The following CRACD variants were observed in gnomAD, a reference collection of about 807,000 sequenced individuals.
CRACD encodes capping protein inhibiting regulator of actin dynamics, also known as capping protein-inhibiting regulator of actin dynamics.
A neutral mutation model predicts 106.8 loss-of-function variants in CRACD; 56 were observed. The observed-to-expected ratio is 0.52, with a 90% CI of 0.42 to 0.66. CRACD has a LOEUF of 0.66. CRACD is among the 30% of genes least tolerant of loss of function. The probability of loss-of-function intolerance (pLI) is 0.00; values close to 1 mark genes in which losing one functional copy is unlikely to be tolerated. For missense variants in CRACD, 1,730 were observed against 1,623.2 expected, an observed-to-expected ratio of 1.07 and a Z score of -1.13; for synonymous variants, 754 against 670.8, an observed-to-expected ratio of 1.12 and a Z score of -1.92.
rs1560539824 is a variant in CRACD at position 56,316,582 on chromosome 4, A to C, written c.3080A>C (p.Gln1027Pro). 1.2e-6 allele frequency: 2 copies of C among 1,613,508 alleles called. No homozygotes were observed. The highest frequency in any genetic ancestry group is 1.7e-6 in the Non-Finnish European group (2 of 1,179,744). ...SPPGPEERKG[Q>P]KRDEEEEATE... is the part of the protein sequence containing the mutation. ...CCAGGCCCCGAGGAAAGGAAGGGACAGAAGAGGGACGAGGAGGAAGAGGCG... is the reference window on the plus strand; with the variant it reads ...CCAGGCCCCGAGGAAAGGAAGGGACCGAAGAGGGACGAGGAGGAAGAGGCG... Residue 1027 changes from glutamine to proline, a missense_variant, in exon 8 of 11, where the codon CAG becomes CCG. By Grantham distance (76) the Gln-to-Pro change is moderately conservative (BLOSUM62 -1). Coordinates refer to ENST00000682029, the MANE Select transcript of CRACD (RefSeq NM_001393381.1).
intron 1 of CRACD, among the ~76,000 whole-genome samples, chr4:56,056,599 A>AG (rs1732074467): frequency 9.8e-6 from 1 of 101,850 alleles, no homozygotes; most frequent in South Asian, 3.0e-4. Context: ...AAAAAAAACC[A>AG]AAAAAAAAAC....
chr4:56,254,513 T>C (rs563664245), intron 2 of CRACD, among the ~76,000 whole-genome samples: 2 of 152,210 alleles, frequency 1.3e-5, no homozygotes, highest in South Asian at 4.2e-4. Flanking sequence ...ACTAAGGTTT[T>C]CATTCTGCTA....
At chr4:56,059,765 C>T (rs1001989688) in intron 1 of CRACD, among the ~76,000 whole-genome samples, 1 of 152,136 alleles carries the variant, frequency 6.6e-6, no homozygotes, top group Non-Finnish European at 1.5e-5. Flanking sequence ...CTTACTGCAA[C>T]CTCCACCTCC....
intron 3 of CRACD, among the ~76,000 whole-genome samples, chr4:56,282,338 A>C (rs1199407820): frequency 6.6e-6 from 1 of 152,228 alleles, no homozygotes; most frequent in Non-Finnish European, 1.5e-5. Context: ...TGAGGCATGC[A>C]TTCACTGTGC....
At chr4:56,164,454 G>T (rs891196676) in intron 1 of CRACD, among the ~76,000 whole-genome samples, 1 of 152,112 alleles carries the variant, frequency 6.6e-6, no homozygotes, top group Admixed American at 6.6e-5. Flanking sequence ...TTTTTTAATT[G>T]CTCAAAAAAC....
intron 3 of CRACD, among the ~76,000 whole-genome samples, chr4:56,280,324 A>G (rs930487924): frequency 6.6e-6 from 1 of 151,582 alleles, no homozygotes; most frequent in Non-Finnish European, 1.5e-5. Flanking sequence ...AAGAAATGTG[A>G]CTACACTCCA....
intron 1 of CRACD, among the ~76,000 whole-genome samples, chr4:56,123,810 G>A (rs1270163567): frequency 6.6e-6 from 1 of 152,168 alleles, no homozygotes; most frequent in East Asian, 1.9e-4. Flanking sequence ...AGAGATGCTG[G>A]AACCTAGACT....
At position 56,300,011 on chromosome 4, in the gene CRACD, G is replaced by T. The variant is rs182470289; in HGVS notation, c.120+1662G>T. Among the ~76,000 whole-genome samples, 391 of 151,992 alleles carry T rather than the reference G, an allele frequency of 2.6e-3. 3 individuals are homozygous for T. The highest frequency in any genetic ancestry group is 0.013 in the South Asian group (62 of 4,820). On this transcript the variant is annotated intron_variant, in intron 4 of 10. Coordinates refer to ENST00000682029, the MANE Select transcript of CRACD (RefSeq NM_001393381.1). ...AAATTAGCTGGGCGTGGTGGCAGGCGCCTGTAGTCCCAGCTACTCAGGAGG... is the reference window on the plus strand; with the variant it reads ...AAATTAGCTGGGCGTGGTGGCAGGCTCCTGTAGTCCCAGCTACTCAGGAGG...
rs552456181 is a variant in CRACD, at chr4:56,298,932, C to CCAA, written c.120+602_120+604dup. ...TGGGTGACAGAGCAAGGCTCTCTCC[C>CCAA]CAACAACAACAACAACAACAAAAAG... On this transcript the variant is annotated intron_variant, in intron 4 of 10. Transcript: ENST00000682029. Among the ~76,000 whole-genome samples, 65 of 151,898 alleles carry CCAA rather than the reference C, an allele frequency of 4.3e-4. 1 individual carries two copies. In the South Asian group the frequency reaches 0.011, roughly 25 times the overall value.
chr4:56,226,878 C>G (rs892599339), intron 2 of CRACD, among the ~76,000 whole-genome samples: 5 of 149,642 alleles, frequency 3.3e-5, no homozygotes, highest in African/African-American at 1.2e-4. Flanking sequence ...CTCTCTCTGT[C>G]TCTCTCTCTC....
At chr4:56,123,509 C>A (rs968292678) in intron 1 of CRACD, among the ~76,000 whole-genome samples, 2 of 152,214 alleles carry the variant, frequency 1.3e-5, no homozygotes, top group African/African-American at 4.8e-5. Flanking sequence ...ATCCCAGTTG[C>A]CTTCCAAAGC....
At chr4:56,133,404 G>A (rs1465669667) in intron 1 of CRACD, among the ~76,000 whole-genome samples, 1 of 152,162 alleles carries the variant, frequency 6.6e-6, no homozygotes, top group Admixed American at 6.5e-5. Context: ...AAATAAGATG[G>A]CACTTTGGTT....
chr4:56,107,154 G>GT (rs533950971), intron 1 of CRACD, among the ~76,000 whole-genome samples: 109 of 151,622 alleles, frequency 7.2e-4, no homozygotes, highest in Middle Eastern at 6.8e-3. Context: ...AAAACATTGG[G>GT]TTTTTTTTCA....
intron 3 of CRACD, among the ~76,000 whole-genome samples, chr4:56,296,602 A>G (rs1382650555): frequency 1.3e-5 from 2 of 152,206 alleles, no homozygotes; most frequent in African/African-American, 4.8e-5. Flanking sequence ...GCCTGGGAAC[A>G]CCTGCCCCCA....
At chr4:56,117,693 G>C (rs542474424) in intron 1 of CRACD, among the ~76,000 whole-genome samples, 104 of 152,038 alleles carry the variant, frequency 6.8e-4, no homozygotes, top group African/African-American at 2.4e-3. Context: ...TTATTTTAAG[G>C]GTATTTTAAC....
chr4:56,207,805 T>A (rs1268166643), intron 2 of CRACD, among the ~76,000 whole-genome samples: 1 of 142,954 alleles, frequency 7.0e-6, no homozygotes, highest in Non-Finnish European at 1.5e-5. Flanking sequence ...TTTTTTCATT[T>A]ATTTTATTTT....
In CRACD at chr4:56,201,181, A is replaced by G. The variant is rs1737863411; in HGVS notation, c.-189+21751A>G. On this transcript the variant is annotated intron_variant, in intron 2 of 10. Coordinates refer to ENST00000682029, the MANE Select transcript of CRACD (RefSeq NM_001393381.1). Reference sequence around the variant, plus strand: ...CTTTAAGGCTACTCAGAGTGTGCTGAGGTGTGCTGTGATTTTACTGCTGTG... The same window carrying G: ...CTTTAAGGCTACTCAGAGTGTGCTGGGGTGTGCTGTGATTTTACTGCTGTG... 2.0e-5 allele frequency among the ~76,000 whole-genome samples: 3 copies of G among 152,160 alleles called. No individual in the cohort carries two copies. In the South Asian group the frequency reaches 6.2e-4, roughly 31 times the overall value.
intron 2 of CRACD, among the ~76,000 whole-genome samples, chr4:56,268,756 T>C (rs1742178571): frequency 6.6e-6 from 1 of 152,176 alleles, no homozygotes; most frequent in Non-Finnish European, 1.5e-5. Context: ...TACAGAATGT[T>C]TTTACATTTA....
rs193206111 is a variant in CRACD, at chr4:56,281,999, A to G, written c.-17+9507A>G. Among the ~76,000 whole-genome samples the G allele has an allele frequency of 4.1e-4, 63 of 152,322 alleles. 1 individual carries two copies. The highest frequency in any genetic ancestry group is 1.3e-3 in the African/African-American group (55 of 41,570). On this transcript the variant is annotated intron_variant, in intron 3 of 10. Transcript: ENST00000682029. ...CCTATCAAATAGCGTATATTTTGATAGAATACGGAAGTTCAGGATGAGCCT... is the reference window on the plus strand; with the variant it reads ...CCTATCAAATAGCGTATATTTTGATGGAATACGGAAGTTCAGGATGAGCCT...
Sources: allele counts gnomAD v4.1 joint callset (sites outside exome capture counted in the v4.1 genomes callset), GRCh38; gene constraint gnomAD v4.1.1; transcripts MANE v1.5; gene names NCBI Gene and HGNC (gene_info 2026-07-23, HGNC 2026-07-21).